Variants in ADARB2 observed in about 807,000 individuals in gnomAD.
ADARB2 encodes the protein inactive double-stranded RNA-specific editase B2.
ADARB2 carries 25 observed loss-of-function variants against 62.2 expected under a neutral mutation model. That is an observed-to-expected ratio of 0.40 (90% confidence interval 0.29 to 0.56). The LOEUF (loss-of-function observed/expected upper bound fraction) is 0.56. Ranked by LOEUF, ADARB2 falls within the 20% of genes least tolerant of loss-of-function variation. The pLI is 0.43. For synonymous variants in ADARB2, 572 were observed against 500.8 expected (o/e 1.14, Z -1.90); for missense variants, 1,071 against 1,077.4 (o/e 0.99, Z 0.08).
At chr10:1,474,538 G>A (rs79238933) in intron 1 of ADARB2, among the ~76,000 whole-genome samples, 30 of 152,310 alleles carry the variant, frequency 2.0e-4, no homozygotes, top group African/African-American at 6.3e-4. Flanking sequence ...TGACACAGCC[G>A]GAGCGGACGG....
chr10:1,723,171 G>A (rs1227267562), intron 1 of ADARB2, among the ~76,000 whole-genome samples: 1 of 152,192 alleles, frequency 6.6e-6, no homozygotes, highest in Non-Finnish European at 1.5e-5. Flanking sequence ...AGCTTTTACG[G>A]CCACTGCTAA....
intron 2 of ADARB2, 101 bp downstream of exon 2, chr10:1,378,973 C>T: frequency 1.0e-6 from 1 of 983,942 alleles, no homozygotes; most frequent in Non-Finnish European, 1.6e-6. Flanking sequence ...AACAGACCCT[C>T]CCAGATGACC....
intron 6 of ADARB2, among the ~76,000 whole-genome samples, chr10:1,229,044 A>T (rs1446286465): frequency 1.3e-5 from 2 of 152,164 alleles, no homozygotes; most frequent in East Asian, 1.9e-4. Context: ...CTGGCCTGGG[A>T]CCCTGATAGA....
chr10:1,393,993 T>A (rs1263275820), intron 1 of ADARB2, among the ~76,000 whole-genome samples: 1 of 152,180 alleles, frequency 6.6e-6, no homozygotes, highest in Non-Finnish European at 1.5e-5. Flanking sequence ...CCTGACATCA[T>A]CCTCGTCCTT....
Position 1,689,976 on chromosome 10 carries a change from G to T in ADARB2, c.100+47075C>A, listed in dbSNP as rs570320533. Reference sequence around the variant, plus strand: ...GATTTCAGAAAGAAAGAAATGTGGGGTTTTTTTGTTTTTGTTTTTTGTTTG... The same window carrying T: ...GATTTCAGAAAGAAAGAAATGTGGGTTTTTTTTGTTTTTGTTTTTTGTTTG... On this transcript the variant is annotated intron_variant, in intron 1 of 9. Coordinates refer to ENST00000381312, the MANE Select transcript of ADARB2 (RefSeq NM_018702.4). 1.8e-4 allele frequency among the ~76,000 whole-genome samples: 27 copies of T among 152,136 alleles called. No individual in the cohort carries two copies. In the South Asian group the frequency reaches 4.2e-3, roughly 23 times the overall value.
At chr10:1,508,710 C>T (rs1175679627) in intron 1 of ADARB2, among the ~76,000 whole-genome samples, 6 of 152,068 alleles carry the variant, frequency 3.9e-5, no homozygotes, top group Admixed American at 2.6e-4. Flanking sequence ...ATCCGGGAGG[C>T]GGAGGTTGCA....
At chr10:1,206,546 T>C (rs1279650452) in intron 7 of ADARB2, among the ~76,000 whole-genome samples, 2 of 152,116 alleles carry the variant, frequency 1.3e-5, no homozygotes, top group Non-Finnish European at 2.9e-5. Flanking sequence ...CTCGTGCCTG[T>C]GCGGTCTGAG....
chr10:1,556,854 C>A (rs1832712255), intron 1 of ADARB2: 1 of 532,804 alleles, frequency 1.9e-6, no homozygotes, highest in Non-Finnish European at 3.9e-6. Flanking sequence ...CTGCACAACC[C>A]CTCCTCATGG....
At chr10:1,383,339 C>T (rs553111142) in intron 1 of ADARB2, among the ~76,000 whole-genome samples, 5 of 152,134 alleles carry the variant, frequency 3.3e-5, no homozygotes, top group Middle Eastern at 3.4e-3. Context: ...TTCAGATTTC[C>T]TAATCATCTT....
Position 1,482,348 on chromosome 10 carries a change from G to A in ADARB2, c.101-103188C>T, listed in dbSNP as rs150685224. 4.7e-3 allele frequency among the ~76,000 whole-genome samples: 722 copies of A among 152,326 alleles called. 7 individuals carry two copies. The highest frequency in any genetic ancestry group is 0.016 in the African/African-American group (676 of 41,564). On this transcript the variant is annotated intron_variant, in intron 1 of 9. Coordinates refer to ENST00000381312, the MANE Select transcript of ADARB2 (RefSeq NM_018702.4). ...ACAACCCAAGTGTCCATCAGTGCAC[G>A]AATGGATATCCATACAATGGACTGG...
At chr10:1,540,824 A>T (rs1214242826) in intron 1 of ADARB2, among the ~76,000 whole-genome samples, 1 of 39,658 alleles carries the variant, frequency 2.5e-5, no homozygotes, top group Non-Finnish European at 5.6e-5. Context: ...CCCCACTCAG[A>T]TGTAGTTCAG....
intron 1 of ADARB2, among the ~76,000 whole-genome samples, chr10:1,578,974 G>A (rs1370445257): frequency 6.6e-6 from 1 of 152,152 alleles, no homozygotes; most frequent in Non-Finnish European, 1.5e-5. Flanking sequence ...GGGCAGAGGT[G>A]GGCAGGGACC....
intron 1 of ADARB2, among the ~76,000 whole-genome samples, chr10:1,499,604 ACACTCACTCATCATTCAC>A (rs1403738569): frequency 6.6e-6 from 1 of 150,998 alleles, no homozygotes; most frequent in Non-Finnish European, 1.5e-5. Flanking sequence ...TTTTTACTCA[ACACTCACTCATCATTCAC>A]CACTCACCAC....
chr10:1,283,932 C>T (rs1329619992), intron 3 of ADARB2, among the ~76,000 whole-genome samples: 2 of 152,132 alleles, frequency 1.3e-5, no homozygotes, highest in African/African-American at 4.8e-5. Flanking sequence ...TAGCCTGAAG[C>T]AGTTCAGAGG....
At chr10:1,244,429 G>T (rs1395907536) in intron 4 of ADARB2, among the ~76,000 whole-genome samples, 1 of 152,226 alleles carries the variant, frequency 6.6e-6, no homozygotes, top group South Asian at 2.1e-4. Context: ...TGAGGCCCCG[G>T]CCTGCTCCTT....
At chr10:1,644,187 A>G (rs1834008946) in intron 1 of ADARB2, among the ~76,000 whole-genome samples, 1 of 152,206 alleles carries the variant, frequency 6.6e-6, no homozygotes, top group African/African-American at 2.4e-5. Context: ...AAATGCAGGA[A>G]GTATTCCTCC....
chr10:1,317,755 G>C lies in ADARB2; in HGVS notation c.1077+45273C>G, dbSNP rs993877612. Among the ~76,000 whole-genome samples, 31 of 148,742 alleles carry C rather than the reference G, an allele frequency of 2.1e-4. 1 individual carries two copies. In the South Asian group the frequency reaches 4.8e-3, roughly 23 times the overall value. On this transcript the variant is annotated intron_variant, in intron 3 of 9. Coordinates refer to ENST00000381312, the MANE Select transcript of ADARB2 (RefSeq NM_018702.4). ...GGGGCACAGGCAGGGGTAGGCCTGGGGGGGGGTGGGTCAGTTTGTGTGGCT... is the reference window on the plus strand; with the variant it reads ...GGGGCACAGGCAGGGGTAGGCCTGGCGGGGGGTGGGTCAGTTTGTGTGGCT...
At chr10:1,506,618 G>C (rs764447854) in intron 1 of ADARB2, among the ~76,000 whole-genome samples, 3 of 152,234 alleles carry the variant, frequency 2.0e-5, no homozygotes, top group African/African-American at 7.2e-5. Context: ...ACTGTGCAGG[G>C]TCTCATGTGG....
chr10:1,313,854 G>A (rs891218191), intron 3 of ADARB2, among the ~76,000 whole-genome samples: 10 of 152,242 alleles, frequency 6.6e-5, no homozygotes, highest in African/African-American at 2.4e-4. Flanking sequence ...TCCTGTGGCT[G>A]TGGGTCCTGC....
Sources: allele counts gnomAD v4.1 joint callset (sites outside exome capture counted in the v4.1 genomes callset), GRCh38; gene constraint gnomAD v4.1.1; transcripts MANE v1.5; gene names NCBI Gene and HGNC (gene_info 2026-07-23, HGNC 2026-07-21).